The following LINGO2 variants were observed in gnomAD, a reference collection of about 807,000 sequenced individuals.
The protein encoded by LINGO2 is leucine rich repeat and Ig domain containing 2.
Under a neutral mutation model 30.6 loss-of-function variants are expected in LINGO2, and 14 were observed. The ratio of observed to expected loss-of-function variants is 0.46; its 90% CI spans 0.30 to 0.72. The LOEUF (loss-of-function observed/expected upper bound fraction) is 0.72, where lower values mean the gene tolerates loss of function less well. Ranked by LOEUF, LINGO2 falls within the 30% of genes least tolerant of loss-of-function variation. The pLI is 0.07. For synonymous variants in LINGO2, 317 were observed against 288.5 expected (o/e 1.10, Z -1.00); for missense variants, 729 against 751.7 (o/e 0.97, Z 0.35).
chr9:28,265,780 T>C (rs1323884357), intron 4 of LINGO2, among the ~76,000 whole-genome samples: 2 of 151,978 alleles, frequency 1.3e-5, no homozygotes, highest in Admixed American at 6.6e-5. Context: ...GTTTTAAAAA[T>C]GGCAAAAGAA....
intron 1 of LINGO2, among the ~76,000 whole-genome samples, chr9:28,493,849 C>A (rs535197543): frequency 2.6e-5 from 4 of 152,234 alleles, no homozygotes; most frequent in African/African-American, 9.6e-5. Flanking sequence ...GCTTAGCCTC[C>A]CAGTTTACAC....
At chr9:28,640,169 A>G (rs1827501912) in intron 1 of LINGO2, among the ~76,000 whole-genome samples, 1 of 152,066 alleles carries the variant, frequency 6.6e-6, no homozygotes, top group East Asian at 1.9e-4. Flanking sequence ...TCTGGCTTGT[A>G]GAGTTTCTGC....
chr9:28,575,965 C>A (rs998022924), intron 1 of LINGO2, among the ~76,000 whole-genome samples: 6 of 150,892 alleles, frequency 4.0e-5, no homozygotes, highest in Admixed American at 3.3e-4. Context: ...CATATCCCCC[C>A]ACACAGGGAC....
chr9:29,014,322 A>T, the LINGO2 span, among the ~76,000 whole-genome samples: 2 of 152,148 alleles, frequency 1.3e-5, no homozygotes, highest in Non-Finnish European at 2.9e-5. Flanking sequence ...AAAGTTAACC[A>T]TCATGGGATC....
chr9:28,282,781 C>G (rs770350038), intron 4 of LINGO2, among the ~76,000 whole-genome samples: 33 of 152,070 alleles, frequency 2.2e-4, no homozygotes, highest in Non-Finnish European at 4.4e-4. Context: ...TATTTGATGT[C>G]TCTTTCAGTG....
chr9:28,844,453 T>G, the LINGO2 span, among the ~76,000 whole-genome samples: 1 of 151,910 alleles, frequency 6.6e-6, no homozygotes, highest in Non-Finnish European at 1.5e-5. Context: ...AGGCACTGAC[T>G]GAGGAGTGTT....
intron 1 of LINGO2, among the ~76,000 whole-genome samples, chr9:28,588,589 G>T (rs139010061): frequency 0.012 from 1,706 of 138,890 alleles, 14 homozygotes; most frequent in Middle Eastern, 0.022. Flanking sequence ...TCTTTAATGA[G>T]TTCAGGTTAA....
chr9:28,715,355 C>T, the LINGO2 span, among the ~76,000 whole-genome samples: 1 of 152,102 alleles, frequency 6.6e-6, no homozygotes, highest in East Asian at 1.9e-4. Context: ...ATTATTCCTT[C>T]CTGAAAAATG....
At chr9:29,054,519 A>G in the LINGO2 span, among the ~76,000 whole-genome samples, 1,168 of 152,280 alleles carry the variant, frequency 7.7e-3, 13 homozygotes, top group Middle Eastern at 0.031. Flanking sequence ...CTGAAGCAAA[A>G]TTACAAATGC....
chr9:28,050,242 C>T (rs567441453), intron 4 of LINGO2, among the ~76,000 whole-genome samples: 2 of 150,606 alleles, frequency 1.3e-5, no homozygotes, highest in Non-Finnish European at 1.5e-5. Context: ...GCAGTATACT[C>T]AGTTCTGAGG....
the LINGO2 span, among the ~76,000 whole-genome samples, chr9:28,938,348 T>A: frequency 6.6e-6 from 1 of 152,190 alleles, no homozygotes; most frequent in Non-Finnish European, 1.5e-5. Context: ...TGGCTTAGAA[T>A]TTTCCAAATA....
intron 1 of LINGO2, among the ~76,000 whole-genome samples, chr9:28,506,270 G>T (rs1466049100): frequency 2.0e-5 from 3 of 150,842 alleles, no homozygotes; most frequent in African/African-American, 7.3e-5. Context: ...TTCTTCATTT[G>T]TAAGATGTGA....
chr9:29,079,813 G>A, the LINGO2 span, among the ~76,000 whole-genome samples: 2 of 151,904 alleles, frequency 1.3e-5, no homozygotes, highest in African/African-American at 2.4e-5. Flanking sequence ...AATAGAAGAT[G>A]AACAAGCAAG....
At chr9:28,204,283 T>C (rs750138358) in intron 4 of LINGO2, among the ~76,000 whole-genome samples, 3 of 152,178 alleles carry the variant, frequency 2.0e-5, no homozygotes, top group Non-Finnish European at 4.4e-5. Context: ...TATTTTATTA[T>C]ACGTATTCCC....
chr9:29,097,273 T>C, the LINGO2 span, among the ~76,000 whole-genome samples: 1 of 138,016 alleles, frequency 7.2e-6, no homozygotes, highest in African/African-American at 2.7e-5. Context: ...AAGTAAATAG[T>C]ATGCTATTTC....
chr9:28,098,329 CAAA>C (rs202030892), intron 4 of LINGO2, among the ~76,000 whole-genome samples: 1 of 149,328 alleles, frequency 6.7e-6, no homozygotes, highest in South Asian at 2.1e-4. Context: ...AAACAAAAAG[CAAA>C]AAAAAACTCT....
the LINGO2 span, among the ~76,000 whole-genome samples, chr9:28,919,352 T>C: frequency 3.9e-5 from 6 of 152,290 alleles, no homozygotes; most frequent in East Asian, 9.7e-4. Context: ...GCCTCAGTAG[T>C]TGGCAAACCT....
At chr9:28,648,806 A>T (rs758048016) in intron 1 of LINGO2, among the ~76,000 whole-genome samples, 1 of 152,152 alleles carries the variant, frequency 6.6e-6, no homozygotes, top group East Asian at 1.9e-4. Context: ...GTGTGTTTCT[A>T]TGTTTCTACA....
the LINGO2 span, among the ~76,000 whole-genome samples, chr9:28,943,358 G>C: frequency 6.6e-6 from 1 of 150,650 alleles, no homozygotes; most frequent in Admixed American, 6.6e-5. Context: ...ATCCAAGGAG[G>C]TATGCTACAG....
Sources: allele counts gnomAD v4.1 joint callset (sites outside exome capture counted in the v4.1 genomes callset), GRCh38; gene constraint gnomAD v4.1.1; transcripts MANE v1.5; gene names NCBI Gene and HGNC (gene_info 2026-07-23, HGNC 2026-07-21).